The following FAT2 variants were observed in gnomAD, a reference collection of about 807,000 sequenced individuals.
FAT2 encodes protocadherin Fat 2.
A neutral mutation model predicts 295.3 loss-of-function variants in FAT2; 150 were observed. The observed-to-expected ratio is 0.51, with a 90% CI of 0.44 to 0.58. The LOEUF (loss-of-function observed/expected upper bound fraction) is 0.58, where lower values mean the gene tolerates loss of function less well. Ranked by LOEUF, FAT2 falls within the 20% of genes least tolerant of loss-of-function variation. The pLI is 0.00. For missense variants in FAT2, 4,868 were observed against 5,442.7 expected (o/e 0.89, Z 3.32); for synonymous variants, 2,026 against 2,150.3 (o/e 0.94, Z 1.60).
intron 21 of FAT2, chr5:151,510,957 C>T (rs568424329): frequency 1.3e-5 from 2 of 152,640 alleles, no homozygotes; most frequent in South Asian, 2.1e-4. Context: ...GCAGGAGCCA[C>T]ATGCAGGGAT....
rs116495652 is a variant in FAT2 at position 151,570,327 on chromosome 5, A to G, written c.-20-1376T>C. On this transcript the variant is annotated intron_variant, in intron 1 of 23. Transcript: ENST00000261800. ...TCCTGGAATGTCTGAGTTGAAATGG[A>G]CATTAGAGATGATGGGCTTCTGTCC... is the stretch of plus-strand genomic sequence containing the variant. Among the ~76,000 whole-genome samples, 490 of 152,332 alleles carry G rather than the reference A, an allele frequency of 3.2e-3. 2 individuals are homozygous for G. Among genetic ancestry groups the G allele is most frequent in the African/African-American group, 0.011 (461 of 41,570 alleles).
intron 3 of FAT2, among the ~76,000 whole-genome samples, chr5:151,557,594 G>C (rs926134657): frequency 6.6e-6 from 1 of 152,232 alleles, no homozygotes; most frequent in Non-Finnish European, 1.5e-5. Context: ...GAGGCCAAGA[G>C]ATAAGCAGAG....
chr5:151,589,741 A>AT (rs201817733), intron 1 of FAT2, among the ~76,000 whole-genome samples: 10,345 of 151,802 alleles, frequency 0.068, 409 homozygotes, highest in South Asian at 0.13. Flanking sequence ...ACAAAAAAAC[A>AT]TTTTTTTTAA....
rs746841123 is a variant in FAT2, at chr5:151,545,039, G to A, written c.6088C>T (p.Arg2030Trp). The A allele has an allele frequency of 5.5e-5, 88 of 1,613,950 alleles. 1 individual carries two copies. Among genetic ancestry groups the A allele is most frequent in the Admixed American group, 3.7e-4 (22 of 59,978 alleles). ...AACTCATGAGTGTCCTGCTGCTCCC[G>A]GTCAAACGCCACACCTCTTGTCTGC... ...VLQTRGVAFD[R>W]EQQDTHELAV... The change falls in exon 10 of 24, where the codon CGG becomes TGG. Residue 2030 changes from arginine to tryptophan, a missense_variant. Physicochemically the swap from Arg to Trp is moderately radical, Grantham distance 101. Coordinates refer to ENST00000261800, the MANE Select transcript of FAT2 (RefSeq NM_001447.3).
chr5:151,522,354 T>C (rs1284853116), intron 18 of FAT2, among the ~76,000 whole-genome samples: 2 of 152,212 alleles, frequency 1.3e-5, no homozygotes, highest in African/African-American at 4.8e-5. Context: ...TCATGTGACA[T>C]CTCTCTGAGC....
chr5:151,526,334 C>G (rs988389222), intron 17 of FAT2, among the ~76,000 whole-genome samples: 1 of 152,122 alleles, frequency 6.6e-6, no homozygotes, highest in East Asian at 1.9e-4. Context: ...GGGAATGTTG[C>G]GATTTGCAAA....
chr5:151,575,618 C>T (rs1355164835), intron 1 of FAT2, among the ~76,000 whole-genome samples: 1 of 152,220 alleles, frequency 6.6e-6, no homozygotes. Context: ...ACATTCATTA[C>T]TCTGAATCTG....
intron 3 of FAT2, among the ~76,000 whole-genome samples, chr5:151,562,397 T>G (rs1758056441): frequency 6.6e-6 from 1 of 152,130 alleles, no homozygotes; most frequent in Non-Finnish European, 1.5e-5. Context: ...AAGAGGAAGA[T>G]GAGGCTTTAA....
At chr5:151,511,936 C>A in intron 21 of FAT2, 1 of 561,700 alleles carries the variant, frequency 1.8e-6, no homozygotes, top group African/African-American at 1.9e-5. Flanking sequence ...CATTCATATC[C>A]TCCCTCATCC....
chr5:151,587,643 A>G (rs1581480693), intron 1 of FAT2, among the ~76,000 whole-genome samples: 2 of 152,126 alleles, frequency 1.3e-5, no homozygotes, highest in Non-Finnish European at 2.9e-5. Flanking sequence ...CCTGTGTTTT[A>G]CCACCTACCC....
In FAT2 at chr5:151,526,108, A is replaced by T. The variant is rs139803737; in HGVS notation, c.10309-143T>A. ...GTGCCTGGACATCAAGCTGCTGCTC[A>T]TTCATTCTGCCTGCCTTTGAGGTAG... On this transcript the variant is annotated intron_variant, in intron 17 of 23. Transcript: ENST00000261800. 6.2e-4 allele frequency: 512 copies of T among 826,842 alleles called. 1 individual carries two copies. The highest frequency in any genetic ancestry group is 9.0e-4 in the Non-Finnish European group (464 of 516,668). 51.2% of individuals were successfully genotyped at this position (826,842 alleles called of 1,614,324 possible).
At chr5:151,535,838 C>T (rs547871866) in intron 12 of FAT2, among the ~76,000 whole-genome samples, 1 of 152,196 alleles carries the variant, frequency 6.6e-6, no homozygotes, top group South Asian at 2.1e-4. Context: ...CCTGAGGGGT[C>T]TCCGCTGCTT....
chr5:151,542,207 G>A, intron 10 of FAT2, 78 bp downstream of exon 10: 1 of 1,415,574 alleles, frequency 7.1e-7, no homozygotes, highest in South Asian at 1.4e-5. Context: ...TCCAGGACAT[G>A]AACCCATTTT....
chr5:151,565,650 C>A (rs2127644251), intron 2 of FAT2, 23 bp downstream of exon 2: 7 of 1,270,866 alleles, frequency 5.5e-6, no homozygotes, highest in Admixed American at 2.1e-5. Context: ...CCCTGGCACC[C>A]CACCCTACCC....
At position 151,566,388 on chromosome 5, in the gene FAT2, G is replaced by A. The variant is rs200371127; in HGVS notation, c.2544C>T (p.Asp848=). Residue 848 remains aspartate, a synonymous_variant, in exon 2 of 24, where the codon GAC becomes GAT. Transcript: ENST00000261800. ...TIAELTTKDA[D]SEDNGRVRYT... is the part of the protein sequence containing the mutation. ...AGCGAACCCTGCCATTGTCTTCCGA[G>A]TCAGCATCTTTGGTTGTCAGCTCTG... is the stretch of plus-strand genomic sequence containing the variant. The A allele has an allele frequency of 6.8e-6, 11 of 1,613,896 alleles. No homozygotes were observed. Among genetic ancestry groups the A allele is most frequent in the Non-Finnish European group, 9.3e-6 (11 of 1,179,980 alleles).
At position 151,585,137 on chromosome 5, in the gene FAT2, A is replaced by G. The variant is rs73797004; in HGVS notation, c.-21+6028T>C. On this transcript the variant is annotated intron_variant, in intron 1 of 23. Transcript: ENST00000261800. The stretch of plus-strand genomic sequence containing the variant: ...ATTGGAGTTCTCCTAACAATAGTAA[A>G]TAGCCCCTAAAGAAGGAGTGATGTG... Among the ~76,000 whole-genome samples the G allele has an allele frequency of 2.6e-3, 402 of 152,360 alleles. 1 individual carries two copies. Among genetic ancestry groups the G allele is most frequent in the African/African-American group, 9.3e-3 (385 of 41,592 alleles).
At chr5:151,532,041 C>A (rs2127592219) in intron 13 of FAT2, 71 bp from the exon 14 acceptor site, 5 of 1,567,664 alleles carry the variant, frequency 3.2e-6, no homozygotes, top group Non-Finnish European at 4.3e-6. Flanking sequence ...GCAAACCCTG[C>A]AGCCACAGGA....
In FAT2 at chr5:151,568,598, G is replaced by T. The variant is rs1403035184; in HGVS notation, c.334C>A (p.Arg112=). The T allele has an allele frequency of 1.2e-6, 2 of 1,614,076 alleles. No individual in the cohort carries two copies. Among genetic ancestry groups the T allele is most frequent in the South Asian group, 1.1e-5 (1 of 91,066 alleles). ...TGGATGATGAGGGTGTAGCTGTCTC[G>T]CACCTCTCTGTTCAGAAGAGCTGTG... ...SNTALLNREV[R]DSYTLIIQAT... is the part of the protein sequence containing the mutation. The change falls in exon 2 of 24, where the codon CGA becomes AGA. Residue 112 remains arginine (R), a synonymous_variant. Coordinates refer to ENST00000261800, the MANE Select transcript of FAT2 (RefSeq NM_001447.3).
At chr5:151,554,282 C>G in intron 5 of FAT2, 80 bp downstream of exon 5, 1 of 1,338,018 alleles carries the variant, frequency 7.5e-7, no homozygotes, top group African/African-American at 1.5e-5. Context: ...GGTGGGCTGT[C>G]TCCCTCCTCC....
Sources: gnomAD v4.1 joint callset for allele counts (sites outside exome capture counted in the v4.1 genomes callset) on GRCh38, gnomAD v4.1.1 for gene constraint, MANE v1.5 for transcripts, NCBI Gene and HGNC (gene_info 2026-07-23, HGNC 2026-07-21) for gene names.